Variants in BCL2L13 observed in about 807,000 individuals in gnomAD.
BCL2L13 encodes the protein BCL2 like 13.
A neutral mutation model predicts 25.8 loss-of-function variants in BCL2L13; 13 were observed. That is an observed-to-expected ratio of 0.50 (90% confidence interval 0.33 to 0.80). BCL2L13 has a LOEUF of 0.80. Ranked by LOEUF, BCL2L13 falls within the 30% of genes least tolerant of loss-of-function variation. The pLI is 0.02. For missense variants in BCL2L13, 504 were observed against 574.9 expected (o/e 0.88, Z 1.26); for synonymous variants, 244 against 230.3 (o/e 1.06, Z -0.54).
chr22:17,662,333 C>T lies in BCL2L13; in HGVS notation c.121+6501C>T, dbSNP rs202095098. ...CTCTACTGAAAAAAACAAAAATTAG[C>T]CAGGCATGGTGGCAGGTGCCTGTAG... On this transcript the variant is annotated intron_variant, in intron 2 of 6. Coordinates refer to ENST00000317582, the MANE Select transcript of BCL2L13 (RefSeq NM_015367.4). Among the ~76,000 whole-genome samples the T allele has an allele frequency of 2.4e-4, 36 of 152,118 alleles. 1 individual carries two copies. In the East Asian group the frequency reaches 6.0e-3, roughly 25 times the overall value.
chr22:17,683,678 TA>T (rs1223582538), intron 3 of BCL2L13, among the ~76,000 whole-genome samples: 1 of 152,156 alleles, frequency 6.6e-6, no homozygotes, highest in Non-Finnish European at 1.5e-5. Flanking sequence ...CATACGCTTT[TA>T]TTTTTGCATA....
intron 1 of BCL2L13, among the ~76,000 whole-genome samples, chr22:17,641,156 C>T (rs2146386969): frequency 6.6e-6 from 1 of 152,238 alleles, no homozygotes; most frequent in South Asian, 2.1e-4. Context: ...TCCCAAAGTG[C>T]TGGGATTACA....
At chr22:17,629,818 T>TACACACACACAC (rs3044578) in intron 1 of BCL2L13, among the ~76,000 whole-genome samples, 1,834 of 148,156 alleles carry the variant, frequency 0.012, 26 homozygotes, top group African/African-American at 0.035. Flanking sequence ...TTTATTTTCA[T>TACACACACACAC]ACACACACAC....
At position 17,730,447 on chromosome 22, in the gene BCL2L13, T is replaced by A. The variant is rs2145860176; in HGVS notation, c.*2913T>A. 6.6e-6 allele frequency: 1 copy of A among 152,290 alleles called. No individual in the cohort carries two copies. The highest frequency in any genetic ancestry group is 1.5e-5 in the Non-Finnish European group (1 of 68,030). 9.4% of individuals were successfully genotyped at this position (152,290 alleles called of 1,614,324 possible). ...TGAGCCGTGAACCTGGAGACATGGC[T>A]TTGACCCACAGCTACTGTTCATTTC... On this transcript the variant is annotated 3_prime_UTR_variant, in exon 7 of 7. Transcript: ENST00000317582.
chr22:17,657,761 C>T (rs1389248035), intron 2 of BCL2L13, among the ~76,000 whole-genome samples: 2 of 151,318 alleles, frequency 1.3e-5, no homozygotes, highest in East Asian at 1.9e-4. Context: ...CATGATCCGC[C>T]TGCCTCGGCC....
chr22:17,642,966 A>G (rs998856756), intron 1 of BCL2L13, among the ~76,000 whole-genome samples: 1 of 152,134 alleles, frequency 6.6e-6, no homozygotes, highest in Admixed American at 6.6e-5. Context: ...TCTGGTATAT[A>G]TCTGGAAGTG....
intron 5 of BCL2L13, among the ~76,000 whole-genome samples, chr22:17,700,875 G>A (rs978833291): frequency 6.6e-6 from 1 of 152,156 alleles, no homozygotes; most frequent in Non-Finnish European, 1.5e-5. Context: ...AGAAGCCAAG[G>A]AATATTAGTT....
At chr22:17,711,284 C>T (rs548062707) in intron 6 of BCL2L13, among the ~76,000 whole-genome samples, 3 of 142,998 alleles carry the variant, frequency 2.1e-5, no homozygotes, top group African/African-American at 7.9e-5. Flanking sequence ...TGACTTTTCC[C>T]TTATTTCTTC....
intron 6 of BCL2L13, among the ~76,000 whole-genome samples, chr22:17,707,261 T>C (rs1340630089): frequency 1.3e-5 from 2 of 152,188 alleles, no homozygotes; most frequent in Non-Finnish European, 1.5e-5. Flanking sequence ...ATCTTCCTCA[T>C]CAAGTTGGGT....
rs369515057 is a variant in BCL2L13 at position 17,689,123 on chromosome 22, T to C, written c.367T>C (p.Leu123=). 7 of 1,613,954 alleles carry C rather than the reference T, an allele frequency of 4.3e-6. No individual in the cohort carries two copies. Among genetic ancestry groups the C allele is most frequent in the Non-Finnish European group, 5.9e-6 (7 of 1,179,972 alleles). ...QELKEPLHKA[L]QMLLSQPVTY... is the part of the protein sequence containing the mutation. ...ACTGAAAGAGCCTCTCCATAAAGCA[T>C]TGCAAATGCTCCTGAGCCAGTGAGT... The change falls in exon 4 of 7, where the codon TTG becomes CTG. Residue 123 remains leucine (L), a synonymous_variant. Coordinates refer to ENST00000317582, the MANE Select transcript of BCL2L13 (RefSeq NM_015367.4).
chr22:17,642,753 C>T (rs1376672195), intron 1 of BCL2L13, among the ~76,000 whole-genome samples: 1 of 151,946 alleles, frequency 6.6e-6, no homozygotes, highest in Non-Finnish European at 1.5e-5. Flanking sequence ...ACCACCATAC[C>T]CAGCTAATTT....
intron 3 of BCL2L13, among the ~76,000 whole-genome samples, chr22:17,685,382 C>T (rs1052098167): frequency 7.9e-5 from 12 of 151,956 alleles, no homozygotes; most frequent in African/African-American, 1.4e-4. Context: ...CCCACCACCA[C>T]GCCCAGCTAA....
intron 6 of BCL2L13, among the ~76,000 whole-genome samples, chr22:17,714,961 C>T (rs1208707153): frequency 6.6e-6 from 1 of 151,188 alleles, no homozygotes; most frequent in East Asian, 1.9e-4. Context: ...GGCAACATAG[C>T]AAGACCTCGT....
intron 2 of BCL2L13, among the ~76,000 whole-genome samples, chr22:17,680,827 C>T (rs1012371892): frequency 2.0e-5 from 3 of 152,050 alleles, no homozygotes; most frequent in South Asian, 2.1e-4. Context: ...TCCTTGAGCT[C>T]GTGTGAGTGG....
chr22:17,645,320 C>G (rs1409338186), intron 1 of BCL2L13, among the ~76,000 whole-genome samples: 2 of 143,778 alleles, frequency 1.4e-5, no homozygotes, highest in African/African-American at 2.7e-5. Context: ...TTTCTCGGTT[C>G]AAGCGATTCT....
chr22:17,673,627 T>C (rs1218870503), intron 2 of BCL2L13, among the ~76,000 whole-genome samples: 2 of 151,552 alleles, frequency 1.3e-5, no homozygotes, highest in Non-Finnish European at 2.9e-5. Flanking sequence ...TCCGCCTGCC[T>C]CGGCCTCCCA....
chr22:17,719,658 A>G (rs371646630), intron 6 of BCL2L13, among the ~76,000 whole-genome samples: 10 of 151,948 alleles, frequency 6.6e-5, no homozygotes, highest in Admixed American at 3.3e-4. Flanking sequence ...GTGAAACCCC[A>G]TCTCTACTAA....
chr22:17,701,462 T>C (rs1356270704), intron 5 of BCL2L13, among the ~76,000 whole-genome samples: 1 of 152,250 alleles, frequency 6.6e-6, no homozygotes, highest in African/African-American at 2.4e-5. Context: ...TATATGTTTT[T>C]ATTACACAAA....
intron 6 of BCL2L13, among the ~76,000 whole-genome samples, chr22:17,712,856 G>A (rs2060801637): frequency 6.6e-6 from 1 of 152,100 alleles, no homozygotes; most frequent in African/African-American, 2.4e-5. Flanking sequence ...TTGTTATGGT[G>A]ACTTACCAAG....
Sources: allele counts gnomAD v4.1 joint callset (sites outside exome capture counted in the v4.1 genomes callset), GRCh38; gene constraint gnomAD v4.1.1; transcripts MANE v1.5; gene names NCBI Gene and HGNC (gene_info 2026-07-23, HGNC 2026-07-21).